KAZN: variants seen among roughly 807,000 people sequenced by gnomAD.
KAZN encodes the protein kazrin, periplakin interacting protein, also known as kazrin.
A neutral mutation model predicts 87.4 loss-of-function variants in KAZN; 40 were observed. That is an observed-to-expected ratio of 0.46 (90% CI 0.36 to 0.60). KAZN has a LOEUF of 0.60. Among genes scored for constraint, KAZN ranks in the 20% least tolerant of loss-of-function variants. KAZN has a pLI of 0.00. For missense variants in KAZN, 898 were observed against 1,073.9 expected (o/e 0.84, Z 2.29); for synonymous variants, 466 against 458.3 (o/e 1.02, Z -0.22).
At chr1:14,426,318 C>G (rs1665723518) in intron 2 of KAZN, among the ~76,000 whole-genome samples, 2 of 152,186 alleles carry the variant, frequency 1.3e-5, no homozygotes, top group South Asian at 4.1e-4. Context: ...CTCTGAGACC[C>G]TTACCCTCCT....
intron 2 of KAZN, among the ~76,000 whole-genome samples, chr1:14,987,237 G>A (rs1666911988): frequency 6.6e-6 from 1 of 152,196 alleles, no homozygotes; most frequent in Admixed American, 6.5e-5. Flanking sequence ...GCTCACGCTT[G>A]TAATCCCAGC....
intron 4 of KAZN, among the ~76,000 whole-genome samples, chr1:15,054,588 G>T (rs1045465260): frequency 6.6e-6 from 1 of 151,508 alleles, no homozygotes; most frequent in Non-Finnish European, 1.5e-5. Context: ...GGAGGTGGAG[G>T]TTGCAGTAAA....
At chr1:14,072,110 C>G (rs1041577996) in intron 1 of KAZN, among the ~76,000 whole-genome samples, 6 of 152,088 alleles carry the variant, frequency 3.9e-5, no homozygotes, top group Non-Finnish European at 8.8e-5. Flanking sequence ...GTATCCTCAC[C>G]TGTGAAATGG....
intron 2 of KAZN, among the ~76,000 whole-genome samples, chr1:15,026,987 G>A (rs1292473116): frequency 2.0e-5 from 3 of 150,886 alleles, no homozygotes; most frequent in African/African-American, 7.3e-5. Flanking sequence ...ACAATACCAA[G>A]GTTGACTGTA....
chr1:14,957,205 A>G (rs1343602658), intron 1 of KAZN, among the ~76,000 whole-genome samples: 4 of 152,114 alleles, frequency 2.6e-5, no homozygotes, highest in Non-Finnish European at 5.9e-5. Flanking sequence ...CAAACCTCCT[A>G]CTTAGGAGTT....
intron 2 of KAZN, among the ~76,000 whole-genome samples, chr1:15,003,585 G>A (rs1308383507): frequency 6.6e-6 from 1 of 152,200 alleles, no homozygotes; most frequent in African/African-American, 2.4e-5. Context: ...GTTTGGCCAA[G>A]TGAGGGCCCC....
intron 1 of KAZN, among the ~76,000 whole-genome samples, chr1:14,674,915 C>T (rs892226210): frequency 6.6e-6 from 1 of 151,958 alleles, no homozygotes; most frequent in African/African-American, 2.4e-5. Flanking sequence ...GCCTCCTGAG[C>T]ACCTGGGACT....
intron 12 of KAZN, 22 bp downstream of exon 12, chr1:15,103,482 G>A (rs576433887): frequency 2.7e-6 from 4 of 1,503,754 alleles, no homozygotes; most frequent in East Asian, 4.9e-5. Flanking sequence ...AGCGGAGGTC[G>A]GGGTGACTCT....
chr1:14,371,151 CAG>C (rs1249359175), intron 2 of KAZN, among the ~76,000 whole-genome samples: 3 of 152,156 alleles, frequency 2.0e-5, no homozygotes, highest in Non-Finnish European at 1.5e-5. Context: ...GGCCCCATCT[CAG>C]AGTTCCAGGT....
chr1:14,944,239 A>G (rs1024579798), intron 1 of KAZN, among the ~76,000 whole-genome samples: 1 of 151,902 alleles, frequency 6.6e-6, no homozygotes, highest in African/African-American at 2.4e-5. Context: ...AAAAAAAAAA[A>G]AAAAAAGCAA....
chr1:14,606,137 A>G (rs1227372160), intron 1 of KAZN, among the ~76,000 whole-genome samples: 1 of 152,216 alleles, frequency 6.6e-6, no homozygotes, highest in East Asian at 1.9e-4. Flanking sequence ...TTCCACTTTG[A>G]CATCCAGGAT....
At chr1:14,240,324 C>T (rs1648826466) in intron 2 of KAZN, among the ~76,000 whole-genome samples, 1 of 152,228 alleles carries the variant, frequency 6.6e-6, no homozygotes, top group South Asian at 2.1e-4. Flanking sequence ...CCACGCGACA[C>T]CTCTGTGTGC....
intron 1 of KAZN, among the ~76,000 whole-genome samples, chr1:14,942,943 T>C (rs2101649325): frequency 6.6e-6 from 1 of 151,718 alleles, no homozygotes. Flanking sequence ...CGCCCTTCTG[T>C]CTTCCTGCTT....
chr1:13,970,173 CA>C (rs1283084530), intron 1 of KAZN, among the ~76,000 whole-genome samples: 4 of 152,264 alleles, frequency 2.6e-5, no homozygotes, highest in Non-Finnish European at 5.9e-5. Context: ...GGTTTTTAAG[CA>C]AAAGGAATAT....
intron 1 of KAZN, among the ~76,000 whole-genome samples, chr1:14,035,297 T>C (rs61777713): frequency 0.13 from 20,505 of 151,972 alleles, 1,813 homozygotes; most frequent in Middle Eastern, 0.25. Flanking sequence ...TCTCTAGTGG[T>C]GAAGGCTCCA....
At chr1:14,943,292 G>T (rs1661363351) in intron 1 of KAZN, among the ~76,000 whole-genome samples, 1 of 151,924 alleles carries the variant, frequency 6.6e-6, no homozygotes, top group East Asian at 1.9e-4. Flanking sequence ...AGCCAGAGGG[G>T]ACAGCAGCAG....
intron 2 of KAZN, among the ~76,000 whole-genome samples, chr1:14,557,666 G>GTGTGTGGT (rs1553188720): frequency 9.3e-6 from 1 of 108,060 alleles, no homozygotes; most frequent in African/African-American, 3.7e-5. Context: ...GTGTGTGTGT[G>GTGTGTGGT]GTGTGTGAGA....
intron 1 of KAZN, 36 bp from the exon 2 acceptor site, chr1:14,960,648 G>A (rs758526920): frequency 1.6e-5 from 25 of 1,542,446 alleles, no homozygotes; most frequent in African/African-American, 6.9e-5. Flanking sequence ...CGGCAGAGAC[G>A]TTCCTGTCCT....
intron 1 of KAZN, among the ~76,000 whole-genome samples, chr1:14,849,747 A>C (rs1465811471): frequency 1.3e-5 from 2 of 152,184 alleles, no homozygotes; most frequent in Admixed American, 6.5e-5. Flanking sequence ...GACCATTTTC[A>C]TCAAAATTAA....
Sources: allele counts gnomAD v4.1 joint callset (sites outside exome capture counted in the v4.1 genomes callset), GRCh38; gene constraint gnomAD v4.1.1; transcripts MANE v1.5; gene names NCBI Gene and HGNC (gene_info 2026-07-23, HGNC 2026-07-21).